Variants in NDUFV3 observed in about 807,000 individuals in gnomAD.
The protein encoded by NDUFV3 is NADH dehydrogenase [ubiquinone] flavoprotein 3, mitochondrial.
A neutral mutation model predicts 37.5 loss-of-function variants in NDUFV3; 44 were observed. That is an observed-to-expected ratio of 1.17 (90% CI 0.92 to 1.51). The LOEUF (loss-of-function observed/expected upper bound fraction) is 1.51. Among genes scored for constraint, NDUFV3 ranks in the 40% most tolerant of loss-of-function variants. The pLI, the probability that NDUFV3 is intolerant of heterozygous loss-of-function variation, is 0.00. For missense variants in NDUFV3, 580 were observed against 580.4 expected, an observed-to-expected ratio of 1.00 and a Z score of 0.01; for synonymous variants, 235 against 239.3, an observed-to-expected ratio of 0.98 and a Z score of 0.17.
rs2058766201 is a variant in NDUFV3 at position 42,910,647 on chromosome 21, T to C, written c.*1626T>C. On this transcript the variant is annotated 3_prime_UTR_variant, in exon 4 of 4. Coordinates refer to ENST00000354250, the MANE Select transcript of NDUFV3 (RefSeq NM_021075.4). ...CGGAGTAGGAAGAGGTGAAGTTTCG[T>C]GCGGTGCAGGGACGGAGTAGGAAGA... 2 of 157,014 alleles carry C rather than the reference T, an allele frequency of 1.3e-5. No individual in the cohort carries two copies. The highest frequency in any genetic ancestry group is 1.4e-5 in the Non-Finnish European group (1 of 70,336). 9.7% of individuals were successfully genotyped at this position (157,014 alleles called of 1,614,324 possible). A position where few individuals can be genotyped will look rare whatever the true frequency, so the allele number is the denominator to read the frequency against.
At chr21:42,907,779 C>A (rs1162659074) in intron 3 of NDUFV3, among the ~76,000 whole-genome samples, 1 of 151,586 alleles carries the variant, frequency 6.6e-6, no homozygotes, top group African/African-American at 2.4e-5. Context: ...TTTGTAGAGA[C>A]AGAGTCTCAC....
rs2058762637 is a variant in NDUFV3 at position 42,910,049 on chromosome 21, G to A, written c.*1028G>A. On this transcript the variant is annotated 3_prime_UTR_variant, in exon 4 of 4. Transcript: ENST00000354250. ...TCATTAGAAACAGGAGTTTTGGCCA[G>A]GTGCAGTGGATAATTCCTGTAATCC... 6.6e-6 allele frequency: 1 copy of A among 152,182 alleles called. No homozygotes were observed. The allele number at this position is 152,182 out of a possible 1,614,324, so 9.4% of individuals were successfully genotyped here.
At chr21:42,898,260 A>G (rs2058702918) in intron 2 of NDUFV3, among the ~76,000 whole-genome samples, 2 of 151,826 alleles carry the variant, frequency 1.3e-5, no homozygotes, top group Non-Finnish European at 2.9e-5. Context: ...TTTTTCAATC[A>G]TTGTTTTTTT....
At chr21:42,905,242 A>T (rs1337791391) in intron 3 of NDUFV3, among the ~76,000 whole-genome samples, 1 of 152,276 alleles carries the variant, frequency 6.6e-6, no homozygotes, top group East Asian at 1.9e-4. Context: ...TCGCTAAGTG[A>T]AAAGGGGAGC....
intron 3 of NDUFV3, among the ~76,000 whole-genome samples, chr21:42,908,215 G>A (rs1472849872): frequency 3.9e-5 from 6 of 152,014 alleles, no homozygotes; most frequent in Non-Finnish European, 8.8e-5. Flanking sequence ...ACTGAGGCAG[G>A]AGAATCACTT....
chr21:42,894,422 T>A (rs1274877108), intron 1 of NDUFV3, among the ~76,000 whole-genome samples: 652 of 41,820 alleles, frequency 0.016, 116 homozygotes, highest in Non-Finnish European at 0.02. Flanking sequence ...TATAATATAT[T>A]ATATAAATAT....
chr21:42,908,713 C>T, intron 3 of NDUFV3, 151 bp from the exon 4 acceptor site: 4 of 733,872 alleles, frequency 5.5e-6, no homozygotes, highest in East Asian at 2.7e-5. Flanking sequence ...GGTAGGTAAG[C>T]GCCTGTATGT....
At chr21:42,897,878 A>T (rs11700600) in intron 2 of NDUFV3, among the ~76,000 whole-genome samples, 2 of 151,058 alleles carry the variant, frequency 1.3e-5, no homozygotes, top group East Asian at 2.0e-4. Context: ...GGGTTTCACC[A>T]TGTTAGCCGG....
chr21:42,908,982 G>C lies in NDUFV3; in HGVS notation c.1383G>C (p.Met461Ile), dbSNP rs2058755259. ...ACCTCGAACTCTCAAAATTCAGGAT[G>C]CCTCAGCCCTCCTCAGGCCGGGAGT... ...DLNLELSKFRMPQPSSGRESP... is the reference protein window; with the variant it reads ...DLNLELSKFRIPQPSSGRESP... The change falls in exon 4 of 4, where the codon ATG becomes ATC. Residue 461 changes from methionine to isoleucine, a missense_variant. Transcript: ENST00000354250. 1 of 1,613,904 alleles carries C rather than the reference G, an allele frequency of 6.2e-7. No individual in the cohort carries two copies. Among genetic ancestry groups the C allele is most frequent in the African/African-American group, 1.3e-5 (1 of 74,898 alleles).
chr21:42,910,820 C>G lies in NDUFV3; in HGVS notation c.*1799C>G, dbSNP rs1047734733. 1 of 153,852 alleles carries G rather than the reference C, an allele frequency of 6.5e-6. No homozygotes were observed. The highest frequency in any genetic ancestry group is 2.4e-5 in the African/African-American group (1 of 41,458). 9.5% of individuals were successfully genotyped at this position (153,852 alleles called of 1,614,324 possible). A position where few individuals can be genotyped will look rare whatever the true frequency, so the allele number is the denominator to read the frequency against. ...CTGGGTTGGCCAAGTAACCTCCCATCCCTTGTGATAGATAACTTTAAGTCA... is the reference window on the plus strand; with the variant it reads ...CTGGGTTGGCCAAGTAACCTCCCATGCCTTGTGATAGATAACTTTAAGTCA... On this transcript the variant is annotated 3_prime_UTR_variant, in exon 4 of 4. Coordinates refer to ENST00000354250, the MANE Select transcript of NDUFV3 (RefSeq NM_021075.4).
chr21:42,905,085 G>A (rs371741284), intron 3 of NDUFV3, among the ~76,000 whole-genome samples: 2 of 151,982 alleles, frequency 1.3e-5, no homozygotes, highest in Admixed American at 6.6e-5. Context: ...CACCGTGCCC[G>A]GCCCCCAACC....
At chr21:42,901,075 T>G (rs1381479625) in intron 2 of NDUFV3, among the ~76,000 whole-genome samples, 2 of 152,058 alleles carry the variant, frequency 1.3e-5, no homozygotes, top group Admixed American at 6.6e-5. Context: ...CTTGTTTCAG[T>G]TTTAAAAGTA....
At chr21:42,908,835 G>A in intron 3 of NDUFV3, 29 bp from the exon 4 acceptor site, 3 of 1,614,050 alleles carry the variant, frequency 1.9e-6, no homozygotes, top group Non-Finnish European at 2.5e-6. Context: ...CCTTGTGTTG[G>A]TCTCATGGGC....
In NDUFV3 at chr21:42,912,574, C is replaced by G. The variant is rs1024909207; in HGVS notation, c.*3553C>G. 2.6e-5 allele frequency: 4 copies of G among 151,782 alleles called. No homozygotes were observed. Among genetic ancestry groups the G allele is most frequent in the African/African-American group, 7.3e-5 (3 of 41,160 alleles). 9.4% of individuals were successfully genotyped at this position (151,782 alleles called of 1,614,324 possible). A position where few individuals can be genotyped will look rare whatever the true frequency, so the allele number is the denominator to read the frequency against. On this transcript the variant is annotated 3_prime_UTR_variant, in exon 4 of 4. Coordinates refer to ENST00000354250, the MANE Select transcript of NDUFV3 (RefSeq NM_021075.4). ...GAGATCGAGACCGTCCTGGCTAACACGGTGAAACCCTGTCTCTACTAAAAA... is the reference window on the plus strand; with the variant it reads ...GAGATCGAGACCGTCCTGGCTAACAGGGTGAAACCCTGTCTCTACTAAAAA...
chr21:42,898,722 C>G (rs1167927542), intron 2 of NDUFV3, among the ~76,000 whole-genome samples: 1 of 152,204 alleles, frequency 6.6e-6, no homozygotes, highest in Non-Finnish European at 1.5e-5. Flanking sequence ...CTCCCTGCCT[C>G]AAACTCCCAT....
At chr21:42,902,162 C>A (rs369357966) in intron 2 of NDUFV3, among the ~76,000 whole-genome samples, 12 of 151,740 alleles carry the variant, frequency 7.9e-5, no homozygotes, top group Non-Finnish European at 1.6e-4. Flanking sequence ...GACTGGAGAT[C>A]GTGCCATTGC....
At chr21:42,897,407 TTTG>T (rs1304553690) in intron 2 of NDUFV3, among the ~76,000 whole-genome samples, 1 of 40,448 alleles carries the variant, frequency 2.5e-5, no homozygotes, top group East Asian at 6.2e-4. Context: ...TGCTGAGTTG[TTTG>T]TTTTGTTTTG....
chr21:42,895,652 CAAA>C (rs68028200), intron 1 of NDUFV3, among the ~76,000 whole-genome samples: 5 of 92,314 alleles, frequency 5.4e-5, no homozygotes, highest in Non-Finnish European at 4.5e-5. Context: ...ACCCTGTCTC[CAAA>C]AAAAAAAAAA....
rs1425781684 is a variant in NDUFV3 at position 42,911,141 on chromosome 21, G to A, written c.*2120G>A. Reference sequence around the variant, plus strand: ...GCCTGTAATCCCAGCTATTCAAGAGGCTGAGGCAGGAGAATCGCTTGAACC... The same window carrying A: ...GCCTGTAATCCCAGCTATTCAAGAGACTGAGGCAGGAGAATCGCTTGAACC... On this transcript the variant is annotated 3_prime_UTR_variant, in exon 4 of 4. Coordinates refer to ENST00000354250, the MANE Select transcript of NDUFV3 (RefSeq NM_021075.4). 6.6e-6 allele frequency: 1 copy of A among 152,222 alleles called. No homozygotes were observed. The highest frequency in any genetic ancestry group is 2.4e-5 in the African/African-American group (1 of 41,446). The allele number at this position is 152,222 out of a possible 1,614,324, so 9.4% of individuals were successfully genotyped here.
Sources: gnomAD v4.1 joint callset for allele counts (sites outside exome capture counted in the v4.1 genomes callset) on GRCh38, gnomAD v4.1.1 for gene constraint, MANE v1.5 for transcripts, NCBI Gene and HGNC (gene_info 2026-07-23, HGNC 2026-07-21) for gene names.